Variants in MEIOC observed in about 807,000 individuals in gnomAD.
MEIOC encodes meiosis-specific coiled-coil domain-containing protein MEIOC.
A neutral mutation model predicts 85.3 loss-of-function variants in MEIOC; 9 were observed. That is an observed-to-expected ratio of 0.11 (90% confidence interval 0.06 to 0.18). MEIOC has a LOEUF of 0.18. Ranked by LOEUF, MEIOC falls within the 10% of genes least tolerant of loss-of-function variation. The pLI is 1.00. For missense variants in MEIOC, 898 were observed against 1,129.4 expected (o/e 0.80, Z 2.94); for synonymous variants, 365 against 393.7 (o/e 0.93, Z 0.86).
rs9635716 is a variant in MEIOC, at chr17:44,673,697, A to G, written c.2638+151A>G. On this transcript the variant is annotated intron_variant, in intron 7 of 7. Transcript: ENST00000409122. ...AATAATCTCCACATTATTTACTCCA[A>G]AAGTATTTCCATTTTATTAATTTTG... 70,918 of 768,344 alleles carry G rather than the reference A, an allele frequency of 0.092. 3,570 individuals are homozygous for G. Among genetic ancestry groups the G allele is most frequent in the East Asian group, 0.13 (4,747 of 36,622 alleles). The allele number at this position is 768,344 out of a possible 1,614,324, so 47.6% of individuals were successfully genotyped here.
chr17:44,674,410 C>T lies in MEIOC; in HGVS notation c.*214C>T. 2 of 1,326,456 alleles carry T rather than the reference C, an allele frequency of 1.5e-6. No homozygotes were observed. The highest frequency in any genetic ancestry group is 9.6e-7 in the Non-Finnish European group (1 of 1,036,908). 82.2% of individuals were successfully genotyped at this position (1,326,456 alleles called of 1,614,324 possible). A position where few individuals can be genotyped will look rare whatever the true frequency, so the allele number is the denominator to read the frequency against. On this transcript the variant is annotated 3_prime_UTR_variant, in exon 8 of 8. Transcript: ENST00000409122. The stretch of plus-strand genomic sequence containing the variant: ...AAACGCAAAGGTACAGTTGACTACT[C>T]AGAGTTCTGAGTAGTCAGATAACAA...
At chr17:44,665,033 C>A in intron 3 of MEIOC, 1 of 582,344 alleles carries the variant, frequency 1.7e-6, no homozygotes, top group Non-Finnish European at 2.2e-6. Context: ...ACAAGACTTG[C>A]TTTCAGGAGC....
In MEIOC at chr17:44,667,334, A is replaced by C; in HGVS notation, c.1423A>C (p.Arg475=). Residue 475 remains arginine (R), a synonymous_variant, in exon 5 of 8, where the codon AGA becomes CGA. Coordinates refer to ENST00000409122, the MANE Select transcript of MEIOC (RefSeq NM_001145080.3). The part of the protein sequence containing the change: ...ATSSGGINLN[R]PTWMNVQTKN... ...ATCTTCAGGAGGTATCAATTTAAAC[A>C]GACCAACTTGGATGAATGTTCAAAC... 6.2e-7 allele frequency: 1 copy of C among 1,613,910 alleles called. No individual in the cohort carries two copies. Among genetic ancestry groups the C allele is most frequent in the Non-Finnish European group, 8.5e-7 (1 of 1,179,862 alleles).
Position 44,667,030 on chromosome 17 carries a change from G to A in MEIOC, c.1119G>A (p.Gln373=), listed in dbSNP as rs748644023. Reference sequence around the variant, plus strand: ...CAGACACCTACACAAAGTTATTTCAGGTTAAGCCAGCGAATCAGAAAAAAA... The same window carrying A: ...CAGACACCTACACAAAGTTATTTCAAGTTAAGCCAGCGAATCAGAAAAAAA... The part of the protein sequence containing the change: ...VEADTYTKLF[Q]VKPANQKKME... Residue 373 remains glutamine (Q), a synonymous_variant, in exon 5 of 8, where the codon CAG becomes CAA. Coordinates refer to ENST00000409122, the MANE Select transcript of MEIOC (RefSeq NM_001145080.3). 1 of 1,613,752 alleles carries A rather than the reference G, an allele frequency of 6.2e-7. No homozygotes were observed. The highest frequency in any genetic ancestry group is 1.7e-5 in the Admixed American group (1 of 59,960).
intron 6 of MEIOC, chr17:44,673,095 T>G (rs906390026): frequency 5.9e-6 from 2 of 340,918 alleles, no homozygotes; most frequent in African/African-American, 4.3e-5. Context: ...TTGCAGTTAA[T>G]GACATGGTAA....
rs756246941 is a variant in MEIOC at position 44,667,594 on chromosome 17, C to T, written c.1683C>T (p.His561=). The T allele has an allele frequency of 3.1e-6, 5 of 1,613,686 alleles. No individual in the cohort carries two copies. The highest frequency in any genetic ancestry group is 2.2e-5 in the East Asian group (1 of 44,874). The part of the protein sequence containing the change: ...SGAERIQSVN[H]IEGLTKPGEE... ...CAGAAAGAATCCAATCTGTCAATCA[C>T]ATAGAAGGACTAACAAAGCCTGGAG... Residue 561 remains histidine, a synonymous_variant, in exon 5 of 8, where the codon CAC becomes CAT. Transcript: ENST00000409122.
intron 2 of MEIOC, among the ~76,000 whole-genome samples, chr17:44,660,892 A>T (rs1272388332): frequency 2.0e-5 from 3 of 151,962 alleles, no homozygotes; most frequent in Non-Finnish European, 4.4e-5. Flanking sequence ...CAGGAGTTTA[A>T]GACCAGCCTG....
At chr17:44,665,091 A>T in intron 3 of MEIOC, 1 of 994,132 alleles carries the variant, frequency 1.0e-6, no homozygotes, top group South Asian at 4.6e-5. Flanking sequence ...ACAGATTTAT[A>T]TCTTGGTCAC....
At chr17:44,658,448 C>T (rs1190010710) in intron 2 of MEIOC, among the ~76,000 whole-genome samples, 9 of 151,762 alleles carry the variant, frequency 5.9e-5, no homozygotes, top group African/African-American at 2.2e-4. Flanking sequence ...AGCCACCGCG[C>T]CCGGCTACAA....
chr17:44,656,655 C>G lies in MEIOC; in HGVS notation c.42C>G (p.Pro14=). 2 of 1,492,188 alleles carry G rather than the reference C, an allele frequency of 1.3e-6. No homozygotes were observed. Among genetic ancestry groups the G allele is most frequent in the Non-Finnish European group, 8.9e-7 (1 of 1,120,828 alleles). The allele number at this position is 1,492,188 out of a possible 1,614,324, so 92.4% of individuals were successfully genotyped here. The change falls in exon 1 of 8, where the codon CCC becomes CCG. Residue 14 remains proline (P), a synonymous_variant. Coordinates refer to ENST00000409122, the MANE Select transcript of MEIOC (RefSeq NM_001145080.3). ...RRGDTCPRPH[P]SGLREEGLEP... The stretch of plus-strand genomic sequence containing the variant: ...GAGACACCTGCCCGCGCCCTCACCC[C>G]TCAGGCCTGAGGGAGGAAGGACTTG...
At chr17:44,663,766 T>C (rs1260807274) in intron 3 of MEIOC, among the ~76,000 whole-genome samples, 1 of 152,180 alleles carries the variant, frequency 6.6e-6, no homozygotes, top group Non-Finnish European at 1.5e-5. Context: ...CAAAAAAGCT[T>C]TTATATTGAA....
At chr17:44,672,412 AG>A (rs1470578021) in intron 6 of MEIOC, among the ~76,000 whole-genome samples, 3 of 152,170 alleles carry the variant, frequency 2.0e-5, no homozygotes. Flanking sequence ...GCTGATACAC[AG>A]TTGAGAGGAA....
Position 44,674,115 on chromosome 17 carries a change from A to T in MEIOC, c.2778A>T (p.Thr926=). 1 of 1,551,782 alleles carries T rather than the reference A, an allele frequency of 6.4e-7. No homozygotes were observed. Among genetic ancestry groups the T allele is most frequent in the Non-Finnish European group, 8.7e-7 (1 of 1,147,008 alleles). The change falls in exon 8 of 8, where the codon ACA becomes ACT. Residue 926 remains threonine, a synonymous_variant. Transcript: ENST00000409122. Reference sequence around the variant, plus strand: ...ATGTGGTAAAGCCTTTACAAGATACAGTAAACTGTGAAGATAAAGTCCATG... The same window carrying T: ...ATGTGGTAAAGCCTTTACAAGATACTGTAAACTGTGAAGATAAAGTCCATG... ...TADVVKPLQD[T]VNCEDKVHES...
At chr17:44,670,803 T>C (rs1237687843) in intron 6 of MEIOC, 2 of 151,890 alleles carry the variant, frequency 1.3e-5, no homozygotes, top group Non-Finnish European at 2.9e-5. Flanking sequence ...CCTACCAAAG[T>C]GCTGGGTGTG....
At chr17:44,658,699 G>GC (rs1446547054) in intron 2 of MEIOC, among the ~76,000 whole-genome samples, 1 of 150,532 alleles carries the variant, frequency 6.6e-6, no homozygotes, top group Non-Finnish European at 1.5e-5. Flanking sequence ...GGAGACTGAG[G>GC]CAGGAGAATC....
Position 44,662,441 on chromosome 17 carries a change from C to T in MEIOC, c.329C>T (p.Pro110Leu), listed in dbSNP as rs1971854772. 3 of 1,545,540 alleles carry T rather than the reference C, an allele frequency of 1.9e-6. No homozygotes were observed. Among genetic ancestry groups the T allele is most frequent in the Admixed American group, 4.0e-5 (2 of 50,188 alleles). Residue 110 changes from proline to leucine, a missense_variant, in exon 3 of 8, where the codon CCT (proline) becomes CTT (leucine). Pro to Leu is a moderately conservative substitution (Grantham distance 98, BLOSUM62 -3). This residue lies in a region of MEIOC where 734 missense variants were observed against 860.1 expected (regional missense o/e 0.85). Transcript: ENST00000409122. The part of the protein sequence containing the change: ...WSTYGDDIKQ[P>L]SNSQISIKNR... ...ACTTATGGAGATGACATTAAACAAC[C>T]TTCTAATTCTCAGATCAGTATAAAG...
chr17:44,658,810 A>G (rs117985996), intron 2 of MEIOC, among the ~76,000 whole-genome samples: 7,273 of 150,796 alleles, frequency 0.048, 265 homozygotes, highest in Non-Finnish European at 0.077. Context: ...AAAAAAAAAG[A>G]AAAAAGAAAA....
Position 44,656,645 on chromosome 17 carries a change from G to T in MEIOC, c.32G>T (p.Arg11Leu). ...GTGAGACGCGGAGACACCTGCCCGC[G>T]CCCTCACCCCTCAGGCCTGAGGGAG... is the stretch of plus-strand genomic sequence containing the variant. MEVRRGDTCP[R>L]PHPSGLREEG... The change falls in exon 1 of 8, where the codon CGC becomes CTC. Residue 11 changes from arginine (R) to leucine (L), a missense_variant. Arg to Leu is a moderately radical substitution (Grantham distance 102). Around this residue, in one of 2 missense-constraint regions of MEIOC, gnomAD observed 734 missense variants for 860.1 expected, o/e 0.85. Coordinates refer to ENST00000409122, the MANE Select transcript of MEIOC (RefSeq NM_001145080.3). 3 of 1,489,088 alleles carry T rather than the reference G, an allele frequency of 2.0e-6. No homozygotes were observed. The highest frequency in any genetic ancestry group is 2.7e-6 in the Non-Finnish European group (3 of 1,118,734). The allele number at this position is 1,489,088 out of a possible 1,614,324, so 92.2% of individuals were successfully genotyped here.
At position 44,669,421 on chromosome 17, in the gene MEIOC, A is replaced by G; in HGVS notation, c.2361A>G (p.Lys787=). ...TTGCCAAGAATTATCCTGGAAAAAAAGTATCCAGTACTAACAACACTCCAG... is the reference window on the plus strand; with the variant it reads ...TTGCCAAGAATTATCCTGGAAAAAAGGTATCCAGTACTAACAACACTCCAG... ...LALAKNYPGK[K]VSSTNNTPVP... is the part of the protein sequence containing the mutation. The change falls in exon 6 of 8, where the codon AAA becomes AAG. Residue 787 remains lysine (K), a synonymous_variant. Transcript: ENST00000409122. 1 of 1,572,082 alleles carries G rather than the reference A, an allele frequency of 6.4e-7. No homozygotes were observed. The highest frequency in any genetic ancestry group is 1.2e-5 in the South Asian group (1 of 85,378).
Sources: allele counts gnomAD v4.1 joint callset (sites outside exome capture counted in the v4.1 genomes callset), GRCh38; gene constraint gnomAD v4.1.1; regional missense constraint gnomAD v4.1.1; transcripts MANE v1.5; gene names NCBI Gene and HGNC (gene_info 2026-07-23, HGNC 2026-07-21).